PGK1: variants seen among roughly 807,000 people sequenced by gnomAD.
PGK1 encodes PRP 2.
A neutral mutation model predicts 26.9 loss-of-function variants in PGK1; 3 were observed. That is an observed-to-expected ratio of 0.11 (90% CI 0.05 to 0.29). The LOEUF (loss-of-function observed/expected upper bound fraction) is 0.29. PGK1 is among the 10% of genes least tolerant of loss of function. The probability of loss-of-function intolerance (pLI) is 1.00; values close to 1 mark genes in which losing one functional copy is unlikely to be tolerated. For synonymous variants in PGK1, 125 were observed against 115.3 expected (o/e 1.08, Z -0.54); for missense variants, 270 against 314.7 (o/e 0.86, Z 1.07).
At chrX:78,110,284 C>A (rs781925175) in intron 2 of PGK1, among the ~76,000 whole-genome samples, 101 of 109,438 alleles carry the variant, frequency 9.2e-4, no homozygotes, top group South Asian at 6.1e-3. Context: ...TCCCGAGGAG[C>A]TGGAACAACA....
At chrX:78,119,438 T>C (rs1488118026) in intron 6 of PGK1, among the ~76,000 whole-genome samples, 1 of 112,013 alleles carries the variant, frequency 8.9e-6, no homozygotes, top group Non-Finnish European at 1.9e-5. Flanking sequence ...AGTCTCTTTA[T>C]GGCTGGAGGC....
In PGK1 at chrX:78,117,961, A is replaced by T. The variant is rs139458102; in HGVS notation, c.522-90A>T. ...CCATGATTTCTTGCAGTCCAGAAGT[A>T]GAAATATTTTAGTGATAAGGAGCTG... On this transcript the variant is annotated intron_variant, in intron 5 of 10. Coordinates refer to ENST00000373316, the MANE Select transcript of PGK1 (RefSeq NM_000291.4). The T allele has an allele frequency of 5.7e-6, 5 of 884,319 alleles. No homozygotes were observed. The East Asian group carries it at 1.2e-4, about 22-fold the overall frequency. 72.9% of individuals were successfully genotyped at this position (884,319 alleles called of 1,213,427 possible).
intron 8 of PGK1, 136 bp from the exon 9 acceptor site, chrX:78,124,738 G>A: frequency 1.8e-6 from 1 of 549,056 alleles, no homozygotes; most frequent in African/African-American, 2.2e-5. Flanking sequence ...GCATGAACAG[G>A]TTTATAAAGA....
At chrX:78,125,529 GCAGTCATTAC>G (rs1451443484) in intron 10 of PGK1, 104 bp downstream of exon 10, 25 of 587,955 alleles carry the variant, frequency 4.3e-5, no homozygotes, top group Admixed American at 1.6e-4. Context: ...GTTGTCATTA[GCAGTCATTAC>G]TACCTGGGCA....
At chrX:78,107,733 T>C (rs1359385529) in intron 1 of PGK1, among the ~76,000 whole-genome samples, 2 of 111,577 alleles carry the variant, frequency 1.8e-5, no homozygotes, top group African/African-American at 3.3e-5. Context: ...ACGCTGTCAT[T>C]TTTCATGGGT....
At position 78,104,264 on chromosome X, in the gene PGK1, G is replaced by A. The variant is rs956211083; in HGVS notation, c.-77G>A. On this transcript the variant is annotated 5_prime_UTR_variant, in exon 1 of 11. Transcript: ENST00000373316. ...CCGCGCGGTGTTCCGCATTCTGCAA[G>A]CCTCCGGAGCGCACGTCGGCAGTCG... The A allele has an allele frequency of 3.9e-5, 30 of 763,094 alleles. No homozygotes were observed. The African/African-American group carries it at 5.3e-4, about 13-fold the overall frequency. 62.9% of individuals were successfully genotyped at this position (763,094 alleles called of 1,213,427 possible).
At chrX:78,114,620 C>T (rs1318351811) in intron 4 of PGK1, among the ~76,000 whole-genome samples, 3 of 100,760 alleles carry the variant, frequency 3.0e-5, no homozygotes, top group South Asian at 4.7e-4. Context: ...GGCAGTCATA[C>T]GATTAAAGTT....
At chrX:78,116,768 T>TA (rs1291042130) in intron 4 of PGK1, among the ~76,000 whole-genome samples, 1 of 112,460 alleles carries the variant, frequency 8.9e-6, no homozygotes, top group Non-Finnish European at 1.9e-5. Context: ...GAGAAGGTCA[T>TA]AAAATACCTT....
chrX:78,117,673 CAG>C (rs1324150493), intron 5 of PGK1, among the ~76,000 whole-genome samples: 1 of 112,373 alleles, frequency 8.9e-6, no homozygotes, highest in Admixed American at 9.4e-5. Flanking sequence ...ATATTTTGTA[CAG>C]AGTTATCCTT....
chrX:78,116,291 T>C (rs2078326295), intron 4 of PGK1, among the ~76,000 whole-genome samples: 1 of 112,078 alleles, frequency 8.9e-6, no homozygotes, highest in South Asian at 3.7e-4. Context: ...CTCCTTACAT[T>C]TGAGCATTGT....
intron 6 of PGK1, among the ~76,000 whole-genome samples, chrX:78,118,996 T>C (rs1348522177): frequency 8.9e-6 from 1 of 111,777 alleles, no homozygotes; most frequent in African/African-American, 3.3e-5. Flanking sequence ...TAGAGAAGGA[T>C]AGAAGATGGC....
chrX:78,106,789 G>A (rs1161735221), intron 1 of PGK1: 1 of 180,954 alleles, frequency 5.5e-6, no homozygotes, highest in African/African-American at 3.1e-5. Context: ...TATTTTTGTG[G>A]TAATTTCCTT....
At position 78,126,656 on chromosome X, in the gene PGK1, TA is replaced by T. The variant is rs1557248745; in HGVS notation, c.*827del. 9.0e-6 allele frequency: 1 copy of T among 111,172 alleles called. No homozygotes were observed. The highest frequency in any genetic ancestry group is 3.3e-5 in the African/African-American group (1 of 30,659). 9.2% of individuals were successfully genotyped at this position (111,172 alleles called of 1,213,427 possible). ...TTATATTGTTCACTTCTTTTTTTTT[TA>T]TTTTTTAAAGAAATCTATTTCATAC... On this transcript the variant is annotated 3_prime_UTR_variant, in exon 11 of 11. Coordinates refer to ENST00000373316, the MANE Select transcript of PGK1 (RefSeq NM_000291.4).
In PGK1 at chrX:78,104,322, C is replaced by G. The variant is rs782312507; in HGVS notation, c.-19C>G. ...CGTTGACCGAATCACCGACCTCTCTCCCCAGCTGTATTTCCAAAATGTCGC... is the reference window on the plus strand; with the variant it reads ...CGTTGACCGAATCACCGACCTCTCTGCCCAGCTGTATTTCCAAAATGTCGC... On this transcript the variant is annotated 5_prime_UTR_variant, in exon 1 of 11. Coordinates refer to ENST00000373316, the MANE Select transcript of PGK1 (RefSeq NM_000291.4). 1 of 1,168,371 alleles carries G rather than the reference C, an allele frequency of 8.6e-7. No homozygotes were observed. The highest frequency in any genetic ancestry group is 1.2e-6 in the Non-Finnish European group (1 of 856,331).
At chrX:78,114,358 C>G (rs1035723746) in intron 4 of PGK1, among the ~76,000 whole-genome samples, 198 bp downstream of exon 4, 11 of 111,885 alleles carry the variant, frequency 9.8e-5, no homozygotes, top group African/African-American at 2.9e-4. Context: ...TAGAATATTA[C>G]CAGCATCCCA....
chrX:78,126,925 A>G lies in PGK1; in HGVS notation c.*1095A>G, dbSNP rs1480290036. On this transcript the variant is annotated 3_prime_UTR_variant, in exon 11 of 11. Coordinates refer to ENST00000373316, the MANE Select transcript of PGK1 (RefSeq NM_000291.4). ...ATCTTCTAGAAGCATAAGTGTCTCA[A>G]TATATTAAAACATATTGAATAATCC... The G allele has an allele frequency of 1.1e-4, 12 of 112,779 alleles. No individual in the cohort carries two copies. The East Asian group carries it at 1.1e-3, about 10-fold the overall frequency. 9.3% of individuals were successfully genotyped at this position (112,779 alleles called of 1,213,427 possible). A position where few individuals can be genotyped will look rare whatever the true frequency, so the allele number is the denominator to read the frequency against.
chrX:78,118,576 C>T, intron 6 of PGK1, among the ~76,000 whole-genome samples: 1 of 109,564 alleles, frequency 9.1e-6, no homozygotes, highest in East Asian at 2.8e-4. Flanking sequence ...AAGACCGTTT[C>T]TAAATAAATA....
Position 78,118,438 on chromosome X carries a change from C to T in PGK1, c.641+268C>T, listed in dbSNP as rs148976307. On this transcript the variant is annotated intron_variant, in intron 6 of 10. Transcript: ENST00000373316. ...TGTCTACAAAAAAAAATTAGCTGGG[C>T]GGTGGTGGTATGCACCTGTGGTCCC... 6.8e-4 allele frequency among the ~76,000 whole-genome samples: 75 copies of T among 109,928 alleles called. No homozygotes were observed. The East Asian group carries it at 0.017, about 25-fold the overall frequency.
intron 1 of PGK1, 56 bp downstream of exon 1, chrX:78,104,461 C>A: frequency 1.1e-6 from 1 of 915,917 alleles, no homozygotes; most frequent in Non-Finnish European, 1.6e-6. Context: ...ACCTCTTTGG[C>A]CGGAGCCGAC....
Sources: allele counts gnomAD v4.1 joint callset (sites outside exome capture counted in the v4.1 genomes callset), GRCh38; gene constraint gnomAD v4.1.1; transcripts MANE v1.5; gene names NCBI Gene and HGNC (gene_info 2026-07-23, HGNC 2026-07-21).